The following GPHN variants were observed in gnomAD, a reference collection of about 807,000 sequenced individuals.
GPHN encodes the protein gephyrin.
GPHN carries 17 observed loss-of-function variants against 95.5 expected under a neutral mutation model. The observed-to-expected ratio is 0.18, with a 90% CI of 0.12 to 0.27. GPHN has a LOEUF of 0.27. Ranked by LOEUF, GPHN falls within the 10% of genes least tolerant of loss-of-function variation. The probability of loss-of-function intolerance (pLI) is 1.00; values close to 1 mark genes in which losing one functional copy is unlikely to be tolerated. For synonymous variants in GPHN, 320 were observed against 322.5 expected, an observed-to-expected ratio of 0.99 and a Z score of 0.08; for missense variants, 660 against 978.1, an observed-to-expected ratio of 0.67 and a Z score of 4.34.
chr14:67,610,673 C>T, the GPHN span, among the ~76,000 whole-genome samples: 11 of 152,084 alleles, frequency 7.2e-5, no homozygotes, highest in African/African-American at 2.4e-4. Context: ...AGAGAGGCCC[C>T]CTGGTCCTGA....
the GPHN span, among the ~76,000 whole-genome samples, chr14:67,326,221 A>ATT: frequency 2.0e-3 from 26 of 12,914 alleles, 12 homozygotes; most frequent in Admixed American, 3.3e-3. Flanking sequence ...TTTAGGTCTG[A>ATT]TTTTTTTTTT....
the GPHN span, among the ~76,000 whole-genome samples, chr14:67,730,538 C>T: frequency 3.3e-5 from 5 of 152,146 alleles, no homozygotes; most frequent in African/African-American, 1.2e-4. Context: ...TTGAGATGCT[C>T]AGCTGGTAAG....
At chr14:66,603,360 C>T (rs1168484875) in intron 1 of GPHN, among the ~76,000 whole-genome samples, 2 of 151,728 alleles carry the variant, frequency 1.3e-5, no homozygotes, top group Non-Finnish European at 1.5e-5. Flanking sequence ...TACTATTTTA[C>T]AAACTTTGAA....
chr14:67,603,304 G>C, the GPHN span, among the ~76,000 whole-genome samples: 2 of 152,246 alleles, frequency 1.3e-5, no homozygotes, highest in African/African-American at 4.8e-5. Flanking sequence ...TCCTAGGCTC[G>C]GGTGATCCTT....
At chr14:67,185,299 AC>A (rs1775002839), downstream of GPHN, among the ~76,000 whole-genome samples, 1 of 152,118 alleles carries the variant, frequency 6.6e-6, no homozygotes, top group Non-Finnish European at 1.5e-5. Context: ...GGATTTAAGG[AC>A]CCTGGTGGCC....
At chr14:67,183,553 ATTATTTTTATTT>A (rs898174988), downstream of GPHN, among the ~76,000 whole-genome samples, 1 of 151,924 alleles carries the variant, frequency 6.6e-6, no homozygotes, top group African/African-American at 2.4e-5. Flanking sequence ...ATATTCTTTT[ATTATTTTTATTT>A]TTATTTTTAT....
chr14:67,045,626 T>C (rs1339117298), intron 10 of GPHN, among the ~76,000 whole-genome samples: 1 of 151,790 alleles, frequency 6.6e-6, no homozygotes, highest in Non-Finnish European at 1.5e-5. Flanking sequence ...TCTGTCTCTC[T>C]CCATCTGTCC....
chr14:66,520,389 C>T (rs771934658), intron 1 of GPHN, among the ~76,000 whole-genome samples: 75 of 152,150 alleles, frequency 4.9e-4, no homozygotes, highest in Non-Finnish European at 8.5e-4. Flanking sequence ...TACACAGGAT[C>T]CTTTTATTAG....
chr14:67,593,745 T>C, the GPHN span: 1 of 1,596,414 alleles, frequency 6.3e-7, no homozygotes, highest in Non-Finnish European at 8.6e-7. Flanking sequence ...ATACTTACCA[T>C]GTAAATGGCC....
chr14:66,754,846 T>G (rs1299762560), intron 2 of GPHN, among the ~76,000 whole-genome samples: 1 of 152,016 alleles, frequency 6.6e-6, no homozygotes, highest in Non-Finnish European at 1.5e-5. Flanking sequence ...TAAGAATCAA[T>G]TATATAGCCT....
the GPHN span, among the ~76,000 whole-genome samples, chr14:67,349,442 T>C: frequency 6.6e-6 from 1 of 152,246 alleles, no homozygotes; most frequent in African/African-American, 2.4e-5. Flanking sequence ...AAAACTCCTT[T>C]CTAGGTTTGC....
intron 1 of GPHN, among the ~76,000 whole-genome samples, chr14:66,672,553 C>G (rs1229411261): frequency 6.6e-6 from 1 of 152,142 alleles, no homozygotes; most frequent in African/African-American, 2.4e-5. Context: ...CCTTGCACTT[C>G]TATCAGTTTT....
the GPHN span, chr14:67,586,331 AT>A: frequency 3.6e-6 from 5 of 1,377,104 alleles, no homozygotes; most frequent in East Asian, 1.3e-4. Context: ...CCTAGCTACT[AT>A]TATGCTCTTC....
chr14:67,082,140 G>A (rs555684123), intron 11 of GPHN, among the ~76,000 whole-genome samples: 3 of 152,070 alleles, frequency 2.0e-5, no homozygotes, highest in Non-Finnish European at 2.9e-5. Flanking sequence ...GTGAAGAATG[G>A]TGGTGGTATT....
At chr14:66,746,471 T>C (rs2058154319) in intron 2 of GPHN, among the ~76,000 whole-genome samples, 1 of 152,206 alleles carries the variant, frequency 6.6e-6, no homozygotes, top group Admixed American at 6.5e-5. Flanking sequence ...CTGTCATGAA[T>C]GTGTACCCTC....
chr14:66,768,547 T>A (rs183277458), intron 2 of GPHN, among the ~76,000 whole-genome samples: 7 of 152,058 alleles, frequency 4.6e-5, no homozygotes, highest in African/African-American at 1.7e-4. Context: ...CTTTTTATGA[T>A]GATAAAAGGA....
chr14:66,579,072 A>G (rs1396359884), intron 1 of GPHN, among the ~76,000 whole-genome samples: 2 of 151,850 alleles, frequency 1.3e-5, no homozygotes, highest in Non-Finnish European at 3.0e-5. Flanking sequence ...CAGTAACAAT[A>G]TGTTGGTGGG....
the GPHN span, chr14:67,717,685 C>T: frequency 1.3e-5 from 2 of 152,258 alleles, no homozygotes; most frequent in African/African-American, 4.8e-5. Flanking sequence ...GTGCTCCAGG[C>T]ATCTCAGTGG....
the GPHN span, among the ~76,000 whole-genome samples, chr14:67,398,414 T>A: frequency 6.6e-6 from 1 of 152,176 alleles, no homozygotes; most frequent in African/African-American, 2.4e-5. Context: ...AGGCTCTCCA[T>A]GTTCACCTGA....
Sources: gnomAD v4.1 joint callset for allele counts (sites outside exome capture counted in the v4.1 genomes callset) on GRCh38, gnomAD v4.1.1 for gene constraint, MANE v1.5 for transcripts, NCBI Gene and HGNC (gene_info 2026-07-23, HGNC 2026-07-21) for gene names.